The following INPP4B variants were observed in gnomAD, a reference collection of about 807,000 sequenced individuals.
INPP4B encodes inositol polyphosphate-4-phosphatase type II B.
In INPP4B, 55 loss-of-function variants were observed where a neutral mutation model predicts 122.5. That is an observed-to-expected ratio of 0.45 (90% CI 0.36 to 0.56). INPP4B has a LOEUF of 0.56. INPP4B is among the 20% of genes least tolerant of loss of function. INPP4B has a pLI of 0.00. For missense variants in INPP4B, 1,000 were observed against 1,097.7 expected (o/e 0.91, Z 1.26); for synonymous variants, 403 against 388.7 (o/e 1.04, Z -0.43).
At chr4:142,367,028 G>T (rs1187822281) in intron 7 of INPP4B, among the ~76,000 whole-genome samples, 1 of 152,058 alleles carries the variant, frequency 6.6e-6, no homozygotes, top group Non-Finnish European at 1.5e-5. Flanking sequence ...ACTGGGAAGG[G>T]TTAAGGGGAA....
intron 5 of INPP4B, among the ~76,000 whole-genome samples, chr4:142,406,911 T>G (rs1241436592): frequency 6.6e-6 from 1 of 152,144 alleles, no homozygotes; most frequent in Admixed American, 6.5e-5. Flanking sequence ...CTCTGGTAGC[T>G]TACATCCTAC....
chr4:142,425,262 A>C (rs1431654205), intron 5 of INPP4B: 1 of 152,064 alleles, frequency 6.6e-6, no homozygotes, highest in African/African-American at 2.4e-5. Flanking sequence ...AGATAGCTGC[A>C]GCTTAGGTAA....
intron 25 of INPP4B, among the ~76,000 whole-genome samples, chr4:142,058,981 GC>G (rs2152427913): frequency 6.6e-6 from 1 of 152,232 alleles, no homozygotes; most frequent in Admixed American, 6.5e-5. Context: ...GCAGAAAAGT[GC>G]AGGCAGGTCA....
At chr4:142,334,225 A>G (rs1443543837) in intron 7 of INPP4B, among the ~76,000 whole-genome samples, 1 of 152,204 alleles carries the variant, frequency 6.6e-6, no homozygotes, top group Non-Finnish European at 1.5e-5. Flanking sequence ...CACCATATAT[A>G]TGTATACACG....
chr4:142,701,404 A>G (rs772892372), intron 2 of INPP4B, among the ~76,000 whole-genome samples: 1 of 151,816 alleles, frequency 6.6e-6, no homozygotes, highest in Non-Finnish European at 1.5e-5. Flanking sequence ...CATGGATCCA[A>G]TCAGGTCAAG....
intron 2 of INPP4B, chr4:142,514,653 A>T (rs992869651): frequency 3.7e-4 from 56 of 152,116 alleles, no homozygotes; most frequent in Non-Finnish European, 2.9e-5. Flanking sequence ...TTCTTATCAC[A>T]ATAATAATAT....
intron 2 of INPP4B, among the ~76,000 whole-genome samples, chr4:142,576,016 G>A (rs188471799): frequency 9.2e-5 from 14 of 152,060 alleles, no homozygotes; most frequent in Admixed American, 7.9e-4. Flanking sequence ...TAGAGTCCAC[G>A]TTCAAATGTG....
At chr4:142,344,823 T>A (rs1406064341) in intron 7 of INPP4B, among the ~76,000 whole-genome samples, 1 of 151,972 alleles carries the variant, frequency 6.6e-6, no homozygotes, top group Non-Finnish European at 1.5e-5. Flanking sequence ...GACACAAGTT[T>A]ACCTATGTAA....
intron 7 of INPP4B, among the ~76,000 whole-genome samples, chr4:142,372,043 A>G (rs1451443641): frequency 1.3e-5 from 2 of 152,168 alleles, no homozygotes; most frequent in East Asian, 3.8e-4. Context: ...AGTGTTCATT[A>G]GTGGATGAAT....
intron 2 of INPP4B, among the ~76,000 whole-genome samples, chr4:142,673,191 A>G (rs1409256017): frequency 6.6e-6 from 1 of 152,144 alleles, no homozygotes; most frequent in Non-Finnish European, 1.5e-5. Flanking sequence ...TTCATTTAGA[A>G]AATATTATTG....
Position 142,308,659 on chromosome 4 carries a change from AT to A in INPP4B, c.424-3123del, listed in dbSNP as rs540165215. On this transcript the variant is annotated intron_variant, in intron 8 of 25. Coordinates refer to ENST00000262992, the MANE Select transcript of INPP4B (RefSeq NM_001101669.3). ...CACATGATGCTAATGTAAAAGAATA[AT>A]TTAATATAAAGCTATTATATCTTTG... 4.6e-3 allele frequency among the ~76,000 whole-genome samples: 702 copies of A among 152,146 alleles called. 3 individuals carry two copies. The highest frequency in any genetic ancestry group is 7.1e-3 in the Admixed American group (108 of 15,266).
At chr4:142,080,279 G>A (rs1773209648) in intron 25 of INPP4B, among the ~76,000 whole-genome samples, 1 of 152,026 alleles carries the variant, frequency 6.6e-6, no homozygotes, top group Non-Finnish European at 1.5e-5. Context: ...AAACCTATGA[G>A]CCTGTATTGT....
At position 142,326,414 on chromosome 4, in the gene INPP4B, A is replaced by G. The variant is rs7669526; in HGVS notation, c.373-11652T>C. On this transcript the variant is annotated intron_variant, in intron 7 of 25. Transcript: ENST00000262992. ...ATAATAGCTGATAACTTGCTAAACA[A>G]CTGTTCTTTATAAGCTGAGAACTCC... Among the ~76,000 whole-genome samples, 905 of 152,352 alleles carry G rather than the reference A, an allele frequency of 5.9e-3. 9 individuals are homozygous for G. The highest frequency in any genetic ancestry group is 0.02 in the African/African-American group (817 of 41,588).
chr4:142,121,865 C>A (rs1796681071), intron 21 of INPP4B, among the ~76,000 whole-genome samples: 1 of 152,008 alleles, frequency 6.6e-6, no homozygotes, highest in Non-Finnish European at 1.5e-5. Context: ...CTCATGCAGG[C>A]TATTATTTTG....
intron 1 of INPP4B, among the ~76,000 whole-genome samples, chr4:142,799,290 T>G (rs1377453988): frequency 6.6e-6 from 1 of 151,902 alleles, no homozygotes; most frequent in Non-Finnish European, 1.5e-5. Flanking sequence ...TTTTGAATAG[T>G]CATGTGCATT....
chr4:142,064,980 T>G (rs336376), intron 25 of INPP4B, among the ~76,000 whole-genome samples: 137,411 of 152,154 alleles, frequency 0.9, 63,161 homozygotes, highest in Non-Finnish European at 0.98. Flanking sequence ...TTTGCAGTTT[T>G]AAAAAATTTA....
chr4:142,548,378 A>G (rs910702346), intron 2 of INPP4B, among the ~76,000 whole-genome samples: 2 of 152,186 alleles, frequency 1.3e-5, no homozygotes, highest in Non-Finnish European at 2.9e-5. Flanking sequence ...ACAGAGACAC[A>G]AAAAAGGTCA....
intron 2 of INPP4B, among the ~76,000 whole-genome samples, chr4:142,720,735 T>TATATATGTATATATAA (rs1308644471): frequency 1.1e-5 from 1 of 90,716 alleles, no homozygotes; most frequent in Non-Finnish European, 2.1e-5. Flanking sequence ...TATATACATA[T>TATATATGTATATATAA]ATATATATAT....
At chr4:142,468,193 A>G (rs903818584) in intron 2 of INPP4B, 1 of 152,176 alleles carries the variant, frequency 6.6e-6, no homozygotes, top group African/African-American at 2.4e-5. Flanking sequence ...TTTCTACCCC[A>G]GGATCCTGGT....
Sources: gnomAD v4.1 joint callset for allele counts (sites outside exome capture counted in the v4.1 genomes callset) on GRCh38, gnomAD v4.1.1 for gene constraint, MANE v1.5 for transcripts, NCBI Gene and HGNC (gene_info 2026-07-23, HGNC 2026-07-21) for gene names.